TGFA: variants seen among roughly 807,000 people sequenced by gnomAD.
TGFA encodes the protein protransforming growth factor alpha.
A neutral mutation model predicts 21.7 loss-of-function variants in TGFA; 12 were observed. The observed-to-expected ratio is 0.55, with a 90% CI of 0.35 to 0.90. TGFA has a LOEUF of 0.90. Among genes scored for constraint, TGFA ranks in the 40% least tolerant of loss-of-function variants. The pLI is 0.01. For missense variants in TGFA, 178 were observed against 210.8 expected, an observed-to-expected ratio of 0.84 and a Z score of 0.96; for synonymous variants, 79 against 88.1, an observed-to-expected ratio of 0.90 and a Z score of 0.58.
chr2:70,524,448 C>T (rs1412732242), intron 1 of TGFA, among the ~76,000 whole-genome samples: 1 of 152,204 alleles, frequency 6.6e-6, no homozygotes, highest in African/African-American at 2.4e-5. Context: ...CACTGGCTGG[C>T]TGAGGGCCCC....
intron 2 of TGFA, among the ~76,000 whole-genome samples, chr2:70,476,082 A>T (rs915670518): frequency 8.3e-6 from 1 of 119,952 alleles, no homozygotes; most frequent in Admixed American, 8.1e-5. Flanking sequence ...ATTTTAAGCA[A>T]AAAAAAAAAA....
In TGFA at chr2:70,449,288, A is replaced by G. The variant is rs554233344; in HGVS notation, c.*1571T>C. 2 of 152,426 alleles carry G rather than the reference A, an allele frequency of 1.3e-5. No homozygotes were observed. Among genetic ancestry groups the G allele is most frequent in the African/African-American group, 4.8e-5 (2 of 41,598 alleles). The allele number at this position is 152,426 out of a possible 1,614,324, so 9.4% of individuals were successfully genotyped here. A position where few individuals can be genotyped will look rare whatever the true frequency, so the allele number is the denominator to read the frequency against. On this transcript the variant is annotated 3_prime_UTR_variant, in exon 6 of 6. Coordinates refer to ENST00000295400, the MANE Select transcript of TGFA (RefSeq NM_003236.4). ...TCTGAAAATTTCAAGCCAATTTAAC[A>G]TATTTTAAATGTACCTTTCACGATG...
intron 1 of TGFA, among the ~76,000 whole-genome samples, chr2:70,527,385 A>C: frequency 6.6e-6 from 1 of 152,266 alleles, no homozygotes; most frequent in Non-Finnish European, 1.5e-5. Context: ...ACAGTCTGAA[A>C]AAGGCAAAAC....
At chr2:70,542,746 T>C (rs1217113450) in intron 1 of TGFA, among the ~76,000 whole-genome samples, 1 of 152,236 alleles carries the variant, frequency 6.6e-6, no homozygotes, top group African/African-American at 2.4e-5. Context: ...CTATAACAAC[T>C]GTGGTATATG....
rs1670017577 is a variant in TGFA, at chr2:70,450,369, G to C, written c.*490C>G. Reference sequence around the variant, plus strand: ...GAGGATACAGCTTCTCTTAAAGCTAGGGTCTTCATGTGATATTAAACAGTT... The same window carrying C: ...GAGGATACAGCTTCTCTTAAAGCTACGGTCTTCATGTGATATTAAACAGTT... On this transcript the variant is annotated 3_prime_UTR_variant, in exon 6 of 6. Coordinates refer to ENST00000295400, the MANE Select transcript of TGFA (RefSeq NM_003236.4). 1 of 154,110 alleles carries C rather than the reference G, an allele frequency of 6.5e-6. No individual in the cohort carries two copies. Among genetic ancestry groups the C allele is most frequent in the Non-Finnish European group, 1.4e-5 (1 of 69,264 alleles). The allele number at this position is 154,110 out of a possible 1,614,324, so 9.5% of individuals were successfully genotyped here. A position where few individuals can be genotyped will look rare whatever the true frequency, so the allele number is the denominator to read the frequency against.
chr2:70,488,722 C>T (rs924154544), intron 2 of TGFA, among the ~76,000 whole-genome samples: 2 of 152,170 alleles, frequency 1.3e-5, no homozygotes, highest in Admixed American at 6.5e-5. Flanking sequence ...ATATCCAAAC[C>T]GTTAGAGGAC....
At chr2:70,491,089 C>T (rs1671419862) in intron 2 of TGFA, among the ~76,000 whole-genome samples, 1 of 152,220 alleles carries the variant, frequency 6.6e-6, no homozygotes, top group African/African-American at 2.4e-5. Context: ...ACCCACCCAC[C>T]TACCCATCTA....
intron 2 of TGFA, among the ~76,000 whole-genome samples, chr2:70,500,071 G>A (rs1553498904): frequency 1.3e-5 from 2 of 152,148 alleles, no homozygotes; most frequent in South Asian, 2.1e-4. Flanking sequence ...CAGTTTTAAT[G>A]TACTAAGTCT....
At chr2:70,537,342 A>T (rs1035006657) in intron 1 of TGFA, among the ~76,000 whole-genome samples, 1 of 152,200 alleles carries the variant, frequency 6.6e-6, no homozygotes, top group African/African-American at 2.4e-5. Flanking sequence ...ATGGCCTCTC[A>T]GTTTTGAAGT....
chr2:70,547,925 AAAC>A (rs1254571144), intron 1 of TGFA, among the ~76,000 whole-genome samples: 3 of 150,956 alleles, frequency 2.0e-5, no homozygotes, highest in Non-Finnish European at 4.4e-5. Context: ...TCAGGTTCTA[AAAC>A]AAAATGTGAA....
chr2:70,463,570 G>C (rs1357728885), intron 3 of TGFA, among the ~76,000 whole-genome samples: 2 of 152,148 alleles, frequency 1.3e-5, no homozygotes, highest in East Asian at 1.9e-4. Flanking sequence ...CTGGTGGGGA[G>C]GGCACCTGAG....
intron 2 of TGFA, among the ~76,000 whole-genome samples, chr2:70,474,965 CAG>C (rs1670876480): frequency 8.7e-6 from 1 of 114,378 alleles, no homozygotes; most frequent in Non-Finnish European, 1.8e-5. Flanking sequence ...GATAACACAG[CAG>C]CCGTGTGTGT....
chr2:70,529,304 T>C (rs1164764883), intron 1 of TGFA, among the ~76,000 whole-genome samples: 6 of 152,204 alleles, frequency 3.9e-5, no homozygotes, highest in Admixed American at 3.3e-4. Flanking sequence ...AAGACAACAC[T>C]TGGACTCTCC....
chr2:70,454,803 C>T (rs1161180994), intron 4 of TGFA, among the ~76,000 whole-genome samples: 1 of 152,194 alleles, frequency 6.6e-6, no homozygotes, highest in Non-Finnish European at 1.5e-5. Flanking sequence ...TGGCCGCCTC[C>T]CTGGAAATGA....
At chr2:70,469,873 T>C (rs1670682375) in intron 2 of TGFA, among the ~76,000 whole-genome samples, 1 of 152,236 alleles carries the variant, frequency 6.6e-6, no homozygotes, top group Non-Finnish European at 1.5e-5. Context: ...GAATCTGTTT[T>C]GGAACACTTC....
At chr2:70,533,620 GA>G in intron 1 of TGFA, among the ~76,000 whole-genome samples, 1 of 152,172 alleles carries the variant, frequency 6.6e-6, no homozygotes, top group African/African-American at 2.4e-5. Context: ...TAGGCTGCTG[GA>G]TAGGCTGCTG....
At chr2:70,457,494 T>C (rs1189144391) in intron 3 of TGFA, among the ~76,000 whole-genome samples, 4 of 152,184 alleles carry the variant, frequency 2.6e-5, no homozygotes, top group Admixed American at 2.6e-4. Context: ...AGTAACATTC[T>C]TATCGTCAAT....
intron 4 of TGFA, among the ~76,000 whole-genome samples, chr2:70,453,845 CT>C (rs1398156193): frequency 5.9e-5 from 9 of 152,280 alleles, no homozygotes; most frequent in African/African-American, 1.9e-4. Context: ...AGTTATGGAT[CT>C]CAATGGCTTT....
At chr2:70,487,908 G>T (rs1671313897) in intron 2 of TGFA, among the ~76,000 whole-genome samples, 1 of 152,154 alleles carries the variant, frequency 6.6e-6, no homozygotes, top group Admixed American at 6.5e-5. Flanking sequence ...TGCATTCCAG[G>T]AAATTTGTAA....
Sources: gnomAD v4.1 joint callset for allele counts (sites outside exome capture counted in the v4.1 genomes callset) on GRCh38, gnomAD v4.1.1 for gene constraint, MANE v1.5 for transcripts, NCBI Gene and HGNC (gene_info 2026-07-23, HGNC 2026-07-21) for gene names.